Variants in RGS7 observed in about 807,000 individuals in gnomAD.
RGS7 encodes regulator of G-protein signaling 7.
RGS7 carries 27 observed loss-of-function variants against 81.1 expected under a neutral mutation model. That is an observed-to-expected ratio of 0.33 (90% CI 0.25 to 0.46). The LOEUF is 0.46. Among genes scored for constraint, RGS7 ranks in the 20% least tolerant of loss-of-function variants. The pLI is 1.00. For missense variants in RGS7, 396 were observed against 607.4 expected, an observed-to-expected ratio of 0.65 and a Z score of 3.66; for synonymous variants, 208 against 207.7, an observed-to-expected ratio of 1.00 and a Z score of -0.01.
chr1:240,880,318 G>A (rs147295460), intron 6 of RGS7, among the ~76,000 whole-genome samples: 1 of 152,344 alleles, frequency 6.6e-6, no homozygotes, highest in Non-Finnish European at 1.5e-5. Flanking sequence ...CTGGGATTCA[G>A]GCGTGGGCCA....
In RGS7 at chr1:241,331,488, T is replaced by C. The variant is rs114891880; in HGVS notation, c.78+24211A>G. ...AAAGTGCTTAGCATAGTGACTCACA[T>C]ATGATAAAGGTACAATATAGTTTCA... On this transcript the variant is annotated intron_variant, in intron 2 of 18. Transcript: ENST00000440928. Among the ~76,000 whole-genome samples, 1,033 of 152,310 alleles carry C rather than the reference T, an allele frequency of 6.8e-3. 9 individuals are homozygous for C. The highest frequency in any genetic ancestry group is 0.01 in the Middle Eastern group (3 of 294).
rs116717710 is a variant in RGS7, at chr1:241,145,476, T to C, written c.79-46714A>G. The stretch of plus-strand genomic sequence containing the variant: ...AGGATAAAGGTTGGATCCGATAACT[T>C]TGAAGATCCTCTGCCATTTAAAAAT... On this transcript the variant is annotated intron_variant, in intron 2 of 18. Transcript: ENST00000440928. Among the ~76,000 whole-genome samples the C allele has an allele frequency of 7.7e-3, 1,179 of 152,270 alleles. 13 individuals are homozygous for C. The highest frequency in any genetic ancestry group is 0.027 in the African/African-American group (1,113 of 41,548).
At chr1:241,196,076 GA>G (rs2073045385) in intron 2 of RGS7, among the ~76,000 whole-genome samples, 1 of 151,830 alleles carries the variant, frequency 6.6e-6, no homozygotes, top group Non-Finnish European at 1.5e-5. Flanking sequence ...AAGTCAAAGA[GA>G]AATCTTAAAA....
chr1:240,949,847 C>CAAAAAAAAAAAAAAA lies in RGS7; in HGVS notation c.227-13156_227-13142dup, dbSNP rs57421740. On this transcript the variant is annotated intron_variant, in intron 4 of 18. Transcript: ENST00000440928. ...TGGGTGACAGAACAAGACTCTGACT[C>CAAAAAAAAAAAAAAA]AAAAAAAAAAAAAAAAAAAAGCCAA... Among the ~76,000 whole-genome samples, 2 of 91,954 alleles carry CAAAAAAAAAAAAAAA rather than the reference C, an allele frequency of 2.2e-5. 1 individual carries two copies. The allele number at this position is 91,954 out of a possible 152,430, so 60.3% of individuals were successfully genotyped here.
intron 3 of RGS7, chr1:240,998,923 A>G (rs1572190415): frequency 2.8e-6 from 1 of 355,288 alleles, no homozygotes. Context: ...CATAACTCCA[A>G]TGGCACCAAT....
intron 3 of RGS7, among the ~76,000 whole-genome samples, chr1:241,095,714 C>T (rs1229977696): frequency 6.6e-6 from 1 of 152,094 alleles, no homozygotes. Context: ...AAATGATAAA[C>T]ATTTATCCTT....
At chr1:241,103,291 C>T (rs1315641251) in intron 2 of RGS7, among the ~76,000 whole-genome samples, 1 of 152,134 alleles carries the variant, frequency 6.6e-6, no homozygotes, top group African/African-American at 2.4e-5. Flanking sequence ...TGTGTTTTCA[C>T]TTCCATAAGC....
intron 9 of RGS7, among the ~76,000 whole-genome samples, chr1:240,859,166 A>G (rs1351897282): frequency 6.6e-6 from 1 of 151,828 alleles, no homozygotes. Context: ...CATTTAATTT[A>G]CTGTTTTTTA....
At position 240,870,127 on chromosome 1, in the gene RGS7, A is replaced by G. The variant is rs369114690; in HGVS notation, c.386-8T>C. On this transcript the variant is annotated splice_region_variant and splice_polypyrimidine_tract_variant and intron_variant, in intron 6 of 18. Coordinates refer to ENST00000440928, the MANE Select transcript of RGS7 (RefSeq NM_001364886.1). ...TCTTGCAGAGGTAAACGGCTGAAAA[A>G]AAAATCAATCATTTCTTGCCTGCTT... 21 of 1,613,746 alleles carry G rather than the reference A, an allele frequency of 1.3e-5. No homozygotes were observed. Among genetic ancestry groups the G allele is most frequent in the Non-Finnish European group, 1.6e-5 (19 of 1,179,778 alleles).
At chr1:241,078,485 A>ATGTGTGTGTGTGTGTGTGTGTG (rs60742879) in intron 3 of RGS7, among the ~76,000 whole-genome samples, 6 of 143,564 alleles carry the variant, frequency 4.2e-5, no homozygotes, top group Non-Finnish European at 6.1e-5. Flanking sequence ...CACGTAAGTT[A>ATGTGTGTGTGTGTGTGTGTGTG]TGTGTGTGTG....
At chr1:241,223,201 A>G (rs375370751) in intron 2 of RGS7, among the ~76,000 whole-genome samples, 7 of 152,274 alleles carry the variant, frequency 4.6e-5, no homozygotes, top group Admixed American at 1.3e-4. Context: ...ATCTCATTCA[A>G]CGTCTGCTAT....
At chr1:240,874,964 C>G (rs1665121795) in intron 6 of RGS7, among the ~76,000 whole-genome samples, 1 of 151,644 alleles carries the variant, frequency 6.6e-6, no homozygotes. Flanking sequence ...ATTGCTTGAA[C>G]CCGGGAGGCG....
intron 2 of RGS7, among the ~76,000 whole-genome samples, chr1:241,330,047 C>T (rs2081875728): frequency 6.6e-6 from 1 of 152,140 alleles, no homozygotes; most frequent in African/African-American, 2.4e-5. Flanking sequence ...TCAAGCCATT[C>T]TCCTGCCTCA....
chr1:241,207,348 C>CATATATATATATATATAT (rs540737449), intron 2 of RGS7, among the ~76,000 whole-genome samples: 3,611 of 143,460 alleles, frequency 0.025, 57 homozygotes, highest in African/African-American at 0.04. Context: ...CTTTAAAATG[C>CATATATATATATATATAT]ATATATATAT....
chr1:241,338,716 A>G lies in RGS7; in HGVS notation c.78+16983T>C, dbSNP rs2082374454. On this transcript the variant is annotated intron_variant, in intron 2 of 18. Transcript: ENST00000440928. ...TATAAGAGATAATATATAGTATATT[A>G]TATACAAATATATGTTTATATCTTA... Among the ~76,000 whole-genome samples the G allele has an allele frequency of 2.7e-5, 4 of 149,562 alleles. No individual in the cohort carries two copies. In the South Asian group the frequency reaches 8.3e-4, roughly 31 times the overall value.
rs202000758 is a variant in RGS7 at position 240,808,305 on chromosome 1, G to GGA, written c.1083-1981_1083-1980dup. Among the ~76,000 whole-genome samples the GGA allele has an allele frequency of 9.9e-3, 1,511 of 152,244 alleles. 21 individuals are homozygous for GGA. Among genetic ancestry groups the GGA allele is most frequent in the African/African-American group, 0.034 (1,432 of 41,542 alleles). On this transcript the variant is annotated intron_variant, in intron 14 of 18. Transcript: ENST00000440928. ...GAGCCCCTCTGCTGGGGCAAGTGCT[G>GGA]GATTGGAAAAGGGGGATCTAGACAA...
intron 4 of RGS7, among the ~76,000 whole-genome samples, chr1:240,951,833 C>T (rs1010305507): frequency 2.0e-5 from 3 of 152,082 alleles, no homozygotes; most frequent in Non-Finnish European, 4.4e-5. Context: ...TCTAAATCTA[C>T]ACATATCTTA....
chr1:240,803,861 T>C (rs1382448234), intron 15 of RGS7, among the ~76,000 whole-genome samples: 1 of 151,968 alleles, frequency 6.6e-6, no homozygotes, highest in Non-Finnish European at 1.5e-5. Flanking sequence ...TTCTTTCTTT[T>C]TTTTTTTCTT....
intron 2 of RGS7, among the ~76,000 whole-genome samples, chr1:241,149,813 T>C (rs1406384967): frequency 6.6e-6 from 1 of 152,174 alleles, no homozygotes; most frequent in East Asian, 1.9e-4. Context: ...TCTTGCTCTG[T>C]CGCCCAGGCT....
Sources: allele counts gnomAD v4.1 joint callset (sites outside exome capture counted in the v4.1 genomes callset), GRCh38; gene constraint gnomAD v4.1.1; transcripts MANE v1.5; gene names NCBI Gene and HGNC (gene_info 2026-07-23, HGNC 2026-07-21).